The following IMMP2L variants were observed in gnomAD, a reference collection of about 807,000 sequenced individuals.
IMMP2L encodes the protein inner mitochondrial membrane peptidase subunit 2, also known as mitochondrial inner membrane protease subunit 2.
In IMMP2L, 18 loss-of-function variants were observed where a neutral mutation model predicts 19.3. The observed-to-expected ratio is 0.93, with a 90% CI of 0.64 to 1.38. The LOEUF (loss-of-function observed/expected upper bound fraction) is 1.38. Ranked by LOEUF, IMMP2L falls within the 40% of genes most tolerant of loss-of-function variation. The pLI is 0.00. For synonymous variants in IMMP2L, 76 were observed against 73.0 expected (o/e 1.04, Z -0.21); for missense variants, 233 against 218.2 (o/e 1.07, Z -0.43).
Position 111,145,435 on chromosome 7 carries a change from A to C in IMMP2L, c.240-181870T>G, listed in dbSNP as rs757005280. On this transcript the variant is annotated intron_variant, in intron 3 of 5. Transcript: ENST00000405709. Reference sequence around the variant, plus strand: ...TCTAGATATTTAACTCACTGGCTCTATTAGGAAGAATTAATTATCGGAGAC... The same window carrying C: ...TCTAGATATTTAACTCACTGGCTCTCTTAGGAAGAATTAATTATCGGAGAC... 5.8e-4 allele frequency among the ~76,000 whole-genome samples: 89 copies of C among 152,208 alleles called. 2 individuals carry two copies. The highest frequency in any genetic ancestry group is 4.7e-3 in the Admixed American group (71 of 15,262).
intron 5 of IMMP2L, among the ~76,000 whole-genome samples, chr7:110,722,342 C>T (rs1028983766): frequency 6.6e-6 from 1 of 151,902 alleles, no homozygotes; most frequent in African/African-American, 2.4e-5. Context: ...TCATTCAATT[C>T]TCGAAAACCA....
intron 3 of IMMP2L, among the ~76,000 whole-genome samples, chr7:111,174,967 A>G (rs1806877650): frequency 6.6e-6 from 1 of 151,968 alleles, no homozygotes; most frequent in East Asian, 1.9e-4. Flanking sequence ...ATATGCACTT[A>G]ATAATTTCTT....
intron 3 of IMMP2L, among the ~76,000 whole-genome samples, chr7:111,220,625 C>T (rs1220767340): frequency 1.5e-5 from 2 of 133,456 alleles, no homozygotes; most frequent in Non-Finnish European, 3.4e-5. Flanking sequence ...TGGATGGATA[C>T]AGAGGGAGAG....
At chr7:110,745,403 C>A (rs1218536018) in intron 5 of IMMP2L, among the ~76,000 whole-genome samples, 3 of 152,094 alleles carry the variant, frequency 2.0e-5, no homozygotes, top group African/African-American at 7.2e-5. Context: ...GCAGAGAATA[C>A]CACAAAGATA....
chr7:111,180,761 T>C (rs1370097631), intron 3 of IMMP2L, among the ~76,000 whole-genome samples: 1 of 152,042 alleles, frequency 6.6e-6, no homozygotes, highest in Non-Finnish European at 1.5e-5. Context: ...CACACGTATA[T>C]ATTGACAAAG....
chr7:110,818,499 C>A (rs1490596409), intron 5 of IMMP2L, among the ~76,000 whole-genome samples: 2 of 152,074 alleles, frequency 1.3e-5, no homozygotes, highest in Non-Finnish European at 2.9e-5. Flanking sequence ...AATAGGAACA[C>A]TTTTACACTG....
intron 4 of IMMP2L, among the ~76,000 whole-genome samples, chr7:110,907,157 T>G (rs1812550224): frequency 6.6e-6 from 1 of 152,124 alleles, no homozygotes; most frequent in Admixed American, 6.5e-5. Flanking sequence ...GCTTAAGTGT[T>G]AACAGCTCAG....
chr7:111,031,908 C>T (rs562944318), intron 3 of IMMP2L, among the ~76,000 whole-genome samples: 3 of 151,216 alleles, frequency 2.0e-5, no homozygotes, highest in Non-Finnish European at 4.4e-5. Flanking sequence ...CCTATAATGC[C>T]GCTATGACCA....
At chr7:111,402,164 ATAATAATAT>A (rs1156585854) in intron 3 of IMMP2L, among the ~76,000 whole-genome samples, 82 of 120,384 alleles carry the variant, frequency 6.8e-4, no homozygotes, top group African/African-American at 2.5e-3. Flanking sequence ...AATAATAATA[ATAATAATAT>A]TAAGTTAGGA....
At chr7:110,747,571 C>G (rs1326073253) in intron 5 of IMMP2L, among the ~76,000 whole-genome samples, 1 of 152,172 alleles carries the variant, frequency 6.6e-6, no homozygotes, top group African/African-American at 2.4e-5. Flanking sequence ...GGCTTCATCC[C>G]TGGGATGCAA....
chr7:110,824,386 G>A (rs542273114), intron 5 of IMMP2L, among the ~76,000 whole-genome samples: 15 of 152,062 alleles, frequency 9.9e-5, no homozygotes, highest in Non-Finnish European at 1.5e-4. Context: ...AATACTTAAC[G>A]TATATTAGAA....
chr7:111,395,897 G>C (rs1325418199), intron 3 of IMMP2L, among the ~76,000 whole-genome samples: 1 of 152,080 alleles, frequency 6.6e-6, no homozygotes, highest in Admixed American at 6.6e-5. Flanking sequence ...ATCATCACTG[G>C]TCATTAGAGA....
chr7:111,340,251 A>G (rs1826878753), intron 3 of IMMP2L, among the ~76,000 whole-genome samples: 1 of 152,030 alleles, frequency 6.6e-6, no homozygotes, highest in Admixed American at 6.6e-5. Flanking sequence ...AATATTTGAC[A>G]TTTTTTGTTC....
intron 3 of IMMP2L, among the ~76,000 whole-genome samples, chr7:111,007,926 C>G (rs1364114585): frequency 2.0e-5 from 3 of 152,074 alleles, no homozygotes; most frequent in Admixed American, 2.0e-4. Flanking sequence ...TTAATAGTAT[C>G]TCCATCCTTC....
chr7:111,108,050 ATTGTTG>A (rs373206894), intron 3 of IMMP2L, among the ~76,000 whole-genome samples: 3 of 151,824 alleles, frequency 2.0e-5, no homozygotes, highest in Non-Finnish European at 4.4e-5. Flanking sequence ...TTTTGTTTTT[ATTGTTG>A]TTGTTGTTGT....
At chr7:110,674,958 C>T (rs1422503503) in intron 5 of IMMP2L, among the ~76,000 whole-genome samples, 1 of 152,204 alleles carries the variant, frequency 6.6e-6, no homozygotes, top group African/African-American at 2.4e-5. Context: ...TCCACGGAGT[C>T]CCTCCCAGCC....
At chr7:111,405,697 C>A (rs1016480935) in intron 3 of IMMP2L, among the ~76,000 whole-genome samples, 4 of 152,026 alleles carry the variant, frequency 2.6e-5, no homozygotes, top group Non-Finnish European at 5.9e-5. Flanking sequence ...TTTCCTGACT[C>A]CCATTATTCC....
At chr7:111,252,450 C>G (rs118140729) in intron 3 of IMMP2L, among the ~76,000 whole-genome samples, 1 of 152,098 alleles carries the variant, frequency 6.6e-6, no homozygotes, top group African/African-American at 2.4e-5. Flanking sequence ...AACAAGTACC[C>G]TAAATATTGT....
At chr7:111,046,730 T>C (rs1287373163) in intron 3 of IMMP2L, among the ~76,000 whole-genome samples, 1 of 152,152 alleles carries the variant, frequency 6.6e-6, no homozygotes, top group African/African-American at 2.4e-5. Flanking sequence ...ATTATGTCCA[T>C]ATATACCAAA....
Sources: gnomAD v4.1 joint callset for allele counts (sites outside exome capture counted in the v4.1 genomes callset) on GRCh38, gnomAD v4.1.1 for gene constraint, MANE v1.5 for transcripts, NCBI Gene and HGNC (gene_info 2026-07-23, HGNC 2026-07-21) for gene names.